The following DRG1 variants were observed in gnomAD, a reference collection of about 807,000 sequenced individuals.
DRG1 encodes the protein developmentally regulated GTP binding protein 1.
A neutral mutation model predicts 38.8 loss-of-function variants in DRG1; 19 were observed. That is an observed-to-expected ratio of 0.49 (90% CI 0.34 to 0.72). The LOEUF is 0.72. Ranked by LOEUF, DRG1 falls within the 30% of genes least tolerant of loss-of-function variation. The probability of loss-of-function intolerance (pLI) is 0.01; values close to 1 mark genes in which losing one functional copy is unlikely to be tolerated. For synonymous variants in DRG1, 167 were observed against 157.5 expected (o/e 1.06, Z -0.45); for missense variants, 299 against 444.8 (o/e 0.67, Z 2.95).
At chr22:31,423,523 CTTTTTTT>C (rs1229925627) in intron 6 of DRG1, 113 bp downstream of exon 6, 101 of 478,398 alleles carry the variant, frequency 2.1e-4, no homozygotes, top group East Asian at 4.7e-4. Flanking sequence ...GTCCTACTGT[CTTTTTTT>C]TTTTTTTTTT....
intron 3 of DRG1, among the ~76,000 whole-genome samples, chr22:31,410,239 G>A (rs1601526810): frequency 1.3e-5 from 2 of 151,798 alleles, no homozygotes; most frequent in Admixed American, 6.6e-5. Context: ...GGCAGATCTC[G>A]AGTTCAGGAG....
At chr22:31,400,843 G>A (rs2049957209) in intron 2 of DRG1, 100 bp downstream of exon 2, 1 of 1,370,078 alleles carries the variant, frequency 7.3e-7, no homozygotes, top group East Asian at 3.0e-5. Context: ...CCAGTGCAGT[G>A]GCTCAACGCC....
chr22:31,425,457 T>G (rs995357091), intron 6 of DRG1, among the ~76,000 whole-genome samples: 3 of 143,772 alleles, frequency 2.1e-5, no homozygotes, highest in Non-Finnish European at 3.1e-5. Flanking sequence ...TTTTTTTTTT[T>G]GAGACAGAGT....
At chr22:31,428,813 C>T (rs1223957977) in intron 8 of DRG1, among the ~76,000 whole-genome samples, 1 of 151,894 alleles carries the variant, frequency 6.6e-6, no homozygotes, top group African/African-American at 2.4e-5. Flanking sequence ...TTGAATATTC[C>T]TTAGTTTGAG....
Position 31,423,398 on chromosome 22 carries a change from T to C in DRG1, c.701T>C (p.Val234Ala). The C allele has an allele frequency of 6.2e-7, 1 of 1,614,024 alleles. No homozygotes were observed. Among genetic ancestry groups the C allele is most frequent in the Non-Finnish European group, 8.5e-7 (1 of 1,180,006 alleles). Residue 234 changes from valine (V) to alanine (A), a missense_variant, in exon 6 of 9, where the codon GTG becomes GCG. Physicochemically the swap from Val to Ala is moderately conservative, Grantham distance 64. Transcript: ENST00000331457. ...DATADDLIDV[V>A]EGNRVYIPCI... Reference sequence around the variant, plus strand: ...ACAGCTGATGACCTCATTGATGTGGTGGAAGGAAACAGGTACTGACTGAGT... The same window carrying C: ...ACAGCTGATGACCTCATTGATGTGGCGGAAGGAAACAGGTACTGACTGAGT...
In DRG1 at chr22:31,431,028, C is replaced by G. The variant is rs1488404366; in HGVS notation, c.1005-2844C>G. On this transcript the variant is annotated intron_variant, in intron 8 of 8. Coordinates refer to ENST00000331457, the MANE Select transcript of DRG1 (RefSeq NM_004147.4). ...CCACTGCACCCGGCCTTCCCCCCCC[C>G]CCCCCGCTTTTTTTTTTTTTTTTTT... Among the ~76,000 whole-genome samples the G allele has an allele frequency of 2.2e-3, 266 of 120,540 alleles. 15 individuals are homozygous for G. The highest frequency in any genetic ancestry group is 2.7e-3 in the Non-Finnish European group (146 of 54,864). The allele number at this position is 120,540 out of a possible 152,430, so 79.1% of individuals were successfully genotyped here.
chr22:31,428,890 A>G (rs2050125086), intron 8 of DRG1, among the ~76,000 whole-genome samples: 1 of 152,190 alleles, frequency 6.6e-6, no homozygotes. Flanking sequence ...CACAAAAATA[A>G]TGATATGTTC....
At chr22:31,409,474 A>G (rs1271563012) in intron 3 of DRG1, among the ~76,000 whole-genome samples, 2 of 152,156 alleles carry the variant, frequency 1.3e-5, no homozygotes, top group Non-Finnish European at 2.9e-5. Context: ...TGGCCCTTCA[A>G]ATCAGAATCT....
chr22:31,399,842 C>A, intron 1 of DRG1, 117 bp downstream of exon 1: 1 of 1,469,474 alleles, frequency 6.8e-7, no homozygotes, highest in Non-Finnish European at 9.5e-7. Flanking sequence ...CGCGACTTCT[C>A]TCAGCGAGGC....
chr22:31,422,138 GAA>G (rs961763121), intron 5 of DRG1, among the ~76,000 whole-genome samples: 3 of 147,864 alleles, frequency 2.0e-5, no homozygotes, highest in Non-Finnish European at 3.0e-5. Context: ...AGAAAGAAAA[GAA>G]AAGAGAATCG....
chr22:31,411,241 C>T (rs2050016519), intron 4 of DRG1, among the ~76,000 whole-genome samples, 160 bp downstream of exon 4: 1 of 152,156 alleles, frequency 6.6e-6, no homozygotes, highest in Admixed American at 6.6e-5. Flanking sequence ...TCAGCTGCAA[C>T]GTTAGCAATG....
chr22:31,414,231 T>G (rs2050032807), intron 4 of DRG1, among the ~76,000 whole-genome samples: 1 of 152,190 alleles, frequency 6.6e-6, no homozygotes, highest in African/African-American at 2.4e-5. Context: ...TGGATCTATA[T>G]TCTAATGATT....
At chr22:31,430,699 A>C (rs560600452) in intron 8 of DRG1, among the ~76,000 whole-genome samples, 37 of 151,626 alleles carry the variant, frequency 2.4e-4, no homozygotes, top group African/African-American at 7.7e-4. Flanking sequence ...ATGCCCGGCC[A>C]CTACAGGGTT....
intron 4 of DRG1, among the ~76,000 whole-genome samples, chr22:31,413,706 C>T (rs923998207): frequency 4.6e-5 from 7 of 150,850 alleles, no homozygotes; most frequent in East Asian, 1.9e-4. Flanking sequence ...ATCTGCCTCC[C>T]GGTTTCAAGT....
intron 2 of DRG1, 65 bp downstream of exon 2, chr22:31,400,808 T>G (rs1424659331): frequency 6.5e-7 from 1 of 1,548,880 alleles, no homozygotes; most frequent in African/African-American, 1.4e-5. Context: ...TACATACATG[T>G]GGTTTAAAAA....
chr22:31,417,105 C>T (rs1022570417), intron 4 of DRG1, among the ~76,000 whole-genome samples: 2 of 151,422 alleles, frequency 1.3e-5, no homozygotes, highest in Non-Finnish European at 2.9e-5. Context: ...GGCATGGTGG[C>T]TCACACCTGT....
intron 5 of DRG1, among the ~76,000 whole-genome samples, chr22:31,422,064 T>C (rs1024634080): frequency 3.3e-5 from 5 of 150,492 alleles, no homozygotes; most frequent in African/African-American, 1.2e-4. Flanking sequence ...TGAGCCGAGA[T>C]GACGCCACTG....
rs71319190 is a variant in DRG1 at position 31,407,685 on chromosome 22, C to CTTT, written c.343-3315_343-3313dup. The stretch of plus-strand genomic sequence containing the variant: ...ATTTTTATTTTTTATTTTCATTTTT[C>CTTT]TTTTTTTTTTTTTTGAGTACGTTCT... On this transcript the variant is annotated intron_variant, in intron 3 of 8. Coordinates refer to ENST00000331457, the MANE Select transcript of DRG1 (RefSeq NM_004147.4). Among the ~76,000 whole-genome samples, 423 of 137,214 alleles carry CTTT rather than the reference C, an allele frequency of 3.1e-3. 5 individuals are homozygous for CTTT. Among genetic ancestry groups the CTTT allele is most frequent in the Non-Finnish European group, 4.9e-3 (316 of 64,094 alleles). The allele number at this position is 137,214 out of a possible 152,430, so 90.0% of individuals were successfully genotyped here. A position where few individuals can be genotyped will look rare whatever the true frequency, so the allele number is the denominator to read the frequency against.
Position 31,420,310 on chromosome 22 carries a change from G to A in DRG1, c.467G>A (p.Gly156Glu). ...GTTCTGGATGTCCTGAAACCTTTGG[G>A]ACATAAGAAGATAATTGAAAATGAG... ...LIVLDVLKPL[G>E]HKKIIENELE... The change falls in exon 5 of 9, where the codon GGA becomes GAA. Residue 156 changes from glycine to glutamate, a missense_variant. Coordinates refer to ENST00000331457, the MANE Select transcript of DRG1 (RefSeq NM_004147.4). 1 of 1,614,106 alleles carries A rather than the reference G, an allele frequency of 6.2e-7. No homozygotes were observed. Among genetic ancestry groups the A allele is most frequent in the Non-Finnish European group, 8.5e-7 (1 of 1,180,028 alleles).
Sources: gnomAD v4.1 joint callset for allele counts (sites outside exome capture counted in the v4.1 genomes callset) on GRCh38, gnomAD v4.1.1 for gene constraint, MANE v1.5 for transcripts, NCBI Gene and HGNC (gene_info 2026-07-23, HGNC 2026-07-21) for gene names.